Variants in DGKG observed in about 807,000 individuals in gnomAD.
DGKG encodes DAG kinase gamma.
Under a neutral mutation model 105.3 loss-of-function variants are expected in DGKG, and 78 were observed. That is an observed-to-expected ratio of 0.74 (90% CI 0.62 to 0.89). The LOEUF (loss-of-function observed/expected upper bound fraction) is 0.89, where lower values mean the gene tolerates loss of function less well. Ranked by LOEUF, DGKG falls within the 40% of genes least tolerant of loss-of-function variation. The probability of loss-of-function intolerance (pLI) is 0.00; values close to 1 mark genes in which losing one functional copy is unlikely to be tolerated. For missense variants in DGKG, 958 were observed against 1,020.1 expected, an observed-to-expected ratio of 0.94 and a Z score of 0.83; for synonymous variants, 346 against 367.1, an observed-to-expected ratio of 0.94 and a Z score of 0.66.
chr3:186,148,976 T>A lies in DGKG; in HGVS notation c.*1114A>T, dbSNP rs1162748221. On this transcript the variant is annotated 3_prime_UTR_variant, in exon 25 of 25. Transcript: ENST00000265022. ...ATAAATATTTATATATATATATATA[T>A]AAATATATAGGCTAAATATATATAT... is the stretch of plus-strand genomic sequence containing the variant. 1.5e-4 allele frequency: 113 copies of A among 740,856 alleles called. No individual in the cohort carries two copies. Among genetic ancestry groups the A allele is most frequent in the African/African-American group, 4.4e-4 (23 of 52,142 alleles). 45.9% of individuals were successfully genotyped at this position (740,856 alleles called of 1,614,324 possible). A position where few individuals can be genotyped will look rare whatever the true frequency, so the allele number is the denominator to read the frequency against.
Position 186,261,727 on chromosome 3 carries a change from G to C in DGKG, c.1321C>G (p.Pro441Ala). 6.2e-7 allele frequency: 1 copy of C among 1,608,842 alleles called. No homozygotes were observed. The highest frequency in any genetic ancestry group is 8.5e-7 in the Non-Finnish European group (1 of 1,178,108). Residue 441 changes from proline to alanine, a missense_variant, in exon 15 of 25, where the codon CCC (proline) becomes GCC (alanine). Transcript: ENST00000265022. ...TCTCCTTGTCTCCCTCCACTCTTGG[G>C]GTTCACCAAGACCAGCAGGGGGTGG... ...GTHPLLVLVN[P>A]KSGGRQGERI...
At chr3:186,234,729 C>T (rs1311651581) in intron 20 of DGKG, among the ~76,000 whole-genome samples, 1 of 152,216 alleles carries the variant, frequency 6.6e-6, no homozygotes, top group African/African-American at 2.4e-5. Flanking sequence ...CAGGCTGCTG[C>T]TGTGTAACAG....
intron 17 of DGKG, among the ~76,000 whole-genome samples, chr3:186,257,010 G>A (rs1053881585): frequency 5.9e-5 from 9 of 152,142 alleles, no homozygotes; most frequent in Non-Finnish European, 1.0e-4. Context: ...ATTTTTGTCC[G>A]TTCATTCCCT....
At chr3:186,176,243 C>T (rs1048703681) in intron 22 of DGKG, among the ~76,000 whole-genome samples, 1 of 152,192 alleles carries the variant, frequency 6.6e-6, no homozygotes, top group Admixed American at 6.5e-5. Context: ...GAATCTTATT[C>T]TGGGTACACT....
At position 186,328,410 on chromosome 3, in the gene DGKG, T is replaced by C. The variant is rs185600593; in HGVS notation, c.-248-7703A>G. On this transcript the variant is annotated intron_variant, in intron 1 of 24. Coordinates refer to ENST00000265022, the MANE Select transcript of DGKG (RefSeq NM_001346.3). ...CTAATGTGTCTGAAGCAGGCACAAA[T>C]AATCAGGAAAAGCTTCCTGAAGGAG... 4.6e-5 allele frequency among the ~76,000 whole-genome samples: 7 copies of C among 152,248 alleles called. No individual in the cohort carries two copies. In the East Asian group the frequency reaches 1.4e-3, roughly 29 times the overall value.
intron 22 of DGKG, among the ~76,000 whole-genome samples, chr3:186,173,875 C>T (rs752917311): frequency 1.9e-4 from 29 of 152,222 alleles, no homozygotes; most frequent in African/African-American, 5.8e-4. Flanking sequence ...ATCTTCATCC[C>T]CCATGTTCCT....
intron 1 of DGKG, among the ~76,000 whole-genome samples, chr3:186,341,546 T>C (rs946270715): frequency 1.3e-5 from 2 of 152,188 alleles, no homozygotes; most frequent in African/African-American, 4.8e-5. Flanking sequence ...ATCCAGGAAC[T>C]GCTGGTAAAA....
Position 186,324,968 on chromosome 3 carries a change from T to C in DGKG, c.-248-4261A>G, listed in dbSNP as rs574389849. ...TTATCCAATTTATCCATTTATCCAATGATGGACTGGATGGATAAAGAAAAT... is the reference window on the plus strand; with the variant it reads ...TTATCCAATTTATCCATTTATCCAACGATGGACTGGATGGATAAAGAAAAT... On this transcript the variant is annotated intron_variant, in intron 1 of 24. Transcript: ENST00000265022. Among the ~76,000 whole-genome samples, 32 of 152,344 alleles carry C rather than the reference T, an allele frequency of 2.1e-4. 1 individual carries two copies. Among genetic ancestry groups the C allele is most frequent in the African/African-American group, 6.3e-4 (26 of 41,582 alleles).
chr3:186,312,537 T>C (rs952646496), intron 2 of DGKG, among the ~76,000 whole-genome samples: 4 of 152,270 alleles, frequency 2.6e-5, no homozygotes, highest in South Asian at 2.1e-4. Context: ...AAGACCACGA[T>C]GCCGAGGACA....
intron 7 of DGKG, among the ~76,000 whole-genome samples, chr3:186,281,683 G>C (rs1578771750): frequency 6.6e-6 from 1 of 152,328 alleles, no homozygotes; most frequent in South Asian, 2.1e-4. Flanking sequence ...CAGTAGATGA[G>C]GGTAAGAAAG....
rs1328621902 is a variant in DGKG at position 186,279,952 on chromosome 3, C to T, written c.691G>A (p.Gly231Arg). The change falls in exon 9 of 25, where the codon GGG (glycine) becomes AGG (arginine). Residue 231 changes from glycine (G) to arginine (R), a missense_variant. This residue lies in a region of DGKG where 643 missense variants were observed against 619.5 expected (regional missense o/e 1.04). Coordinates refer to ENST00000265022, the MANE Select transcript of DGKG (RefSeq NM_001346.3). Reference protein sequence around the residue: ...LRPILKEMLQGMDYDRDGFVS... With the variant: ...LRPILKEMLQRMDYDRDGFVS... Reference sequence around the variant, plus strand: ...AAGCCGTCCCGGTCGTAGTCCATCCCTTGCAGCATCTCCTTCAATATCTGT... The same window carrying T: ...AAGCCGTCCCGGTCGTAGTCCATCCTTTGCAGCATCTCCTTCAATATCTGT... The T allele has an allele frequency of 1.2e-6, 2 of 1,614,132 alleles. No homozygotes were observed. The highest frequency in any genetic ancestry group is 8.5e-7 in the Non-Finnish European group (1 of 1,179,988).
chr3:186,263,442 C>G (rs527316807), intron 14 of DGKG, among the ~76,000 whole-genome samples: 1 of 152,102 alleles, frequency 6.6e-6, no homozygotes, highest in South Asian at 2.1e-4. Context: ...TGGCGCATGC[C>G]TGTAATCCCA....
chr3:186,188,419 A>C (rs763352937), intron 21 of DGKG, 40 bp from the exon 22 acceptor site: 1 of 1,604,056 alleles, frequency 6.2e-7, no homozygotes, highest in African/African-American at 1.3e-5. Context: ...TAGTGTCCTC[A>C]GTGTGTCACA....
chr3:186,238,300 A>AC, intron 20 of DGKG, among the ~76,000 whole-genome samples: 1 of 151,080 alleles, frequency 6.6e-6, no homozygotes, highest in African/African-American at 2.4e-5. Flanking sequence ...TCTAAAAAAA[A>AC]AAAAAAAAAA....
At chr3:186,309,568 C>T (rs1724416793) in intron 2 of DGKG, among the ~76,000 whole-genome samples, 2 of 152,202 alleles carry the variant, frequency 1.3e-5, no homozygotes, top group Admixed American at 1.3e-4. Flanking sequence ...AAAACAAATC[C>T]TACATTTTAG....
At chr3:186,307,547 C>G (rs944908911) in intron 2 of DGKG, among the ~76,000 whole-genome samples, 5 of 152,200 alleles carry the variant, frequency 3.3e-5, no homozygotes, top group Admixed American at 3.3e-4. Flanking sequence ...TTGTACACAA[C>G]TATGTAATAG....
chr3:186,272,976 G>A (rs142573594), intron 10 of DGKG, among the ~76,000 whole-genome samples: 7 of 152,230 alleles, frequency 4.6e-5, no homozygotes, highest in South Asian at 2.1e-4. Context: ...TGACCCACCC[G>A]CCTCAGCCTC....
At chr3:186,276,488 G>C (rs1312778394) in intron 9 of DGKG, among the ~76,000 whole-genome samples, 2 of 152,214 alleles carry the variant, frequency 1.3e-5, no homozygotes, top group African/African-American at 2.4e-5. Flanking sequence ...GCATGTACTA[G>C]TGTGATAATC....
Position 186,149,499 on chromosome 3 carries a change from T to G in DGKG, c.*591A>C. 18 of 985,458 alleles carry G rather than the reference T, an allele frequency of 1.8e-5. No homozygotes were observed. Among genetic ancestry groups the G allele is most frequent in the Non-Finnish European group, 2.2e-5 (18 of 829,940 alleles). The allele number at this position is 985,458 out of a possible 1,614,324, so 61.0% of individuals were successfully genotyped here. On this transcript the variant is annotated 3_prime_UTR_variant, in exon 25 of 25. Coordinates refer to ENST00000265022, the MANE Select transcript of DGKG (RefSeq NM_001346.3). ...ATGGAAATACAGCTTTCCACAGCCTTTCTGCCTCTTCAGCAGGTTCACGGA... is the reference window on the plus strand; with the variant it reads ...ATGGAAATACAGCTTTCCACAGCCTGTCTGCCTCTTCAGCAGGTTCACGGA...
Sources: gnomAD v4.1 joint callset for allele counts (sites outside exome capture counted in the v4.1 genomes callset) on GRCh38, gnomAD v4.1.1 for gene constraint, gnomAD v4.1.1 regional missense constraint, MANE v1.5 for transcripts, NCBI Gene and HGNC (gene_info 2026-07-23, HGNC 2026-07-21) for gene names.